PLCD4: variants seen among roughly 807,000 people sequenced by gnomAD.
PLCD4 encodes phospholipase C delta 4.
A neutral mutation model predicts 90.2 loss-of-function variants in PLCD4; 63 were observed. That is an observed-to-expected ratio of 0.70 (90% confidence interval 0.57 to 0.86). The LOEUF (loss-of-function observed/expected upper bound fraction) is 0.86, where lower values mean the gene tolerates loss of function less well. Ranked by LOEUF, PLCD4 falls within the 40% of genes least tolerant of loss-of-function variation. The pLI, the probability that PLCD4 is intolerant of heterozygous loss-of-function variation, is 0.00. For synonymous variants in PLCD4, 294 were observed against 356.5 expected (o/e 0.82, Z 1.97); for missense variants, 830 against 956.3 (o/e 0.87, Z 1.74).
At chr2:218,608,440 T>A (rs1695185916) in intron 1 of PLCD4, among the ~76,000 whole-genome samples, 1 of 152,110 alleles carries the variant, frequency 6.6e-6, no homozygotes, top group Non-Finnish European at 1.5e-5. Flanking sequence ...AAAATAGGGG[T>A]TGGCCAAGAA....
At chr2:218,627,570 T>C (rs1195104848) in intron 6 of PLCD4, among the ~76,000 whole-genome samples, 23 of 151,934 alleles carry the variant, frequency 1.5e-4, no homozygotes, top group Admixed American at 1.4e-3. Flanking sequence ...TGGAGTGCAG[T>C]GGCGCGATCT....
rs931214584 is a variant in PLCD4 at position 218,636,918 on chromosome 2, G to C, written c.*341G>C. ...TTCCCATCAACTCTGTGTGAAGGCA[G>C]GTTGCAACTAGAAATTCAGAGGGGC... On this transcript the variant is annotated 3_prime_UTR_variant, in exon 16 of 16. Coordinates refer to ENST00000450993, the MANE Select transcript of PLCD4 (RefSeq NM_032726.4). 2.1e-5 allele frequency: 10 copies of C among 465,242 alleles called. No individual in the cohort carries two copies. Among genetic ancestry groups the C allele is most frequent in the African/African-American group, 2.0e-4 (10 of 50,452 alleles). 28.8% of individuals were successfully genotyped at this position (465,242 alleles called of 1,614,324 possible).
Position 218,636,838 on chromosome 2 carries a change from T to C in PLCD4, c.*261T>C. On this transcript the variant is annotated 3_prime_UTR_variant, in exon 16 of 16. Coordinates refer to ENST00000450993, the MANE Select transcript of PLCD4 (RefSeq NM_032726.4). ...TCCTTTGTGTACTCTATACTGGAGT[T>C]CCCTTCTTCCTCTTGCTGTAGGCTC... The C allele has an allele frequency of 1.8e-6, 1 of 548,610 alleles. No homozygotes were observed. The highest frequency in any genetic ancestry group is 1.5e-5 in the South Asian group (1 of 65,362). The allele number at this position is 548,610 out of a possible 1,614,324, so 34.0% of individuals were successfully genotyped here. A position where few individuals can be genotyped will look rare whatever the true frequency, so the allele number is the denominator to read the frequency against.
intron 3 of PLCD4, among the ~76,000 whole-genome samples, 172 bp downstream of exon 3, chr2:218,616,234 T>C (rs540957517): frequency 6.6e-6 from 1 of 152,218 alleles, no homozygotes; most frequent in Non-Finnish European, 1.5e-5. Flanking sequence ...AAGGCTGTTA[T>C]GAGGATTAAA....
chr2:218,617,719 C>T (rs1695682463), intron 3 of PLCD4, among the ~76,000 whole-genome samples: 1 of 152,202 alleles, frequency 6.6e-6, no homozygotes, highest in African/African-American at 2.4e-5. Context: ...ATCCATACCG[C>T]CCCCAGCTGA....
At chr2:218,630,862 G>T in intron 9 of PLCD4, 60 bp downstream of exon 9, 1 of 1,513,958 alleles carries the variant, frequency 6.6e-7, no homozygotes, top group South Asian at 1.3e-5. Context: ...CGCCACCTGG[G>T]CTCCTTCCTC....
intron 3 of PLCD4, among the ~76,000 whole-genome samples, chr2:218,616,562 A>G (rs1208388127): frequency 6.6e-6 from 1 of 151,808 alleles, no homozygotes; most frequent in Non-Finnish European, 1.5e-5. Flanking sequence ...AAATAAAAAT[A>G]AAAAATTAGC....
intron 9 of PLCD4, 100 bp from the exon 10 acceptor site, chr2:218,632,036 C>A: frequency 3.1e-6 from 4 of 1,310,594 alleles, no homozygotes; most frequent in Non-Finnish European, 4.1e-6. Flanking sequence ...TCCGACCACT[C>A]ACTCACTTCC....
rs546073493 is a variant in PLCD4 at position 218,636,411 on chromosome 2, C to T, written c.2182+19C>T. 22 of 1,613,840 alleles carry T rather than the reference C, an allele frequency of 1.4e-5. No homozygotes were observed. The South Asian group carries it at 1.6e-4, about 12-fold the overall frequency. On this transcript the variant is annotated intron_variant, in intron 15 of 15. Transcript: ENST00000450993. ...CAACAAGGTGAGCCAGCCCCTTTGG[C>T]CCCTGGCCAATACCCCAGCTCTGGC... is the stretch of plus-strand genomic sequence containing the variant.
Position 218,615,884 on chromosome 2 carries a change from C to T in PLCD4, c.23-20C>T. 2 of 1,613,138 alleles carry T rather than the reference C, an allele frequency of 1.2e-6. No homozygotes were observed. Among genetic ancestry groups the T allele is most frequent in the Non-Finnish European group, 1.7e-6 (2 of 1,179,158 alleles). ...CTACCCTCTCTGCTGGCTACCTAAC[C>T]CCTGCTTTTCCTGACCTAGAGCTGA... On this transcript the variant is annotated intron_variant, in intron 2 of 15. Coordinates refer to ENST00000450993, the MANE Select transcript of PLCD4 (RefSeq NM_032726.4).
intron 1 of PLCD4, among the ~76,000 whole-genome samples, chr2:218,612,419 A>G (rs1695380220): frequency 6.6e-6 from 1 of 152,172 alleles, no homozygotes; most frequent in African/African-American, 2.4e-5. Context: ...TTGTTTCCTG[A>G]CAGACTTCTT....
intron 5 of PLCD4, chr2:218,622,166 A>C (rs1027220772): frequency 6.5e-6 from 1 of 153,536 alleles, no homozygotes; most frequent in African/African-American, 2.4e-5. Context: ...GACCTCAAGG[A>C]CCTCTCTGTC....
chr2:218,633,860 A>T (rs1010654272), intron 11 of PLCD4, 99 bp downstream of exon 11: 1 of 1,430,218 alleles, frequency 7.0e-7, no homozygotes, highest in Non-Finnish European at 9.6e-7. Flanking sequence ...CAAGGTAGCT[A>T]AGGAGAGATG....
chr2:218,624,719 C>CAA (rs766656849), intron 6 of PLCD4, among the ~76,000 whole-genome samples: 2 of 58,040 alleles, frequency 3.4e-5, no homozygotes, highest in Middle Eastern at 8.9e-3. Flanking sequence ...GACTCTGTCT[C>CAA]AAAAAAAAAA....
chr2:218,609,116 C>T (rs1695218143), intron 1 of PLCD4: 1 of 149,568 alleles, frequency 6.7e-6, no homozygotes, highest in Admixed American at 6.7e-5. Flanking sequence ...GCACTCCAGC[C>T]TGGGCGACAG....
chr2:218,630,545 C>A, intron 8 of PLCD4, 105 bp from the exon 9 acceptor site: 1 of 1,317,828 alleles, frequency 7.6e-7, no homozygotes. Context: ...GATCAGGGTA[C>A]TCATCTGAGT....
At chr2:218,633,798 G>C (rs1169465545) in intron 11 of PLCD4, 37 bp downstream of exon 11, 9 of 1,609,440 alleles carry the variant, frequency 5.6e-6, no homozygotes, top group Non-Finnish European at 5.9e-6. Flanking sequence ...AGGGAAGTGG[G>C]ATGGATAGGT....
intron 7 of PLCD4, 163 bp from the exon 8 acceptor site, chr2:218,629,356 C>A: frequency 1.3e-6 from 1 of 747,988 alleles, no homozygotes; most frequent in Non-Finnish European, 2.1e-6. Context: ...GAGCTTGCAG[C>A]AGTGTCCCCA....
chr2:218,611,372 G>A (rs1331465316), intron 1 of PLCD4, among the ~76,000 whole-genome samples: 4 of 152,184 alleles, frequency 2.6e-5, no homozygotes, highest in Non-Finnish European at 4.4e-5. Flanking sequence ...CTTGGGCTCG[G>A]TTCTCAGGCT....
Sources: allele counts gnomAD v4.1 joint callset (sites outside exome capture counted in the v4.1 genomes callset), GRCh38; gene constraint gnomAD v4.1.1; transcripts MANE v1.5; gene names NCBI Gene and HGNC (gene_info 2026-07-23, HGNC 2026-07-21).